CMIP: variants seen among roughly 807,000 people sequenced by gnomAD.
The protein encoded by CMIP is c-Maf inducing protein.
A neutral mutation model predicts 97.3 loss-of-function variants in CMIP; 13 were observed. The observed-to-expected ratio is 0.13, with a 90% CI of 0.09 to 0.21. The LOEUF is 0.21. CMIP is among the 10% of genes least tolerant of loss of function. The pLI, the probability that CMIP is intolerant of heterozygous loss-of-function variation, is 1.00. For missense variants in CMIP, 847 were observed against 1,024.9 expected, an observed-to-expected ratio of 0.83 and a Z score of 2.37; for synonymous variants, 538 against 436.3, an observed-to-expected ratio of 1.23 and a Z score of -2.91.
At chr16:81,491,115 T>G (rs1156760206) in intron 1 of CMIP, among the ~76,000 whole-genome samples, 2 of 152,174 alleles carry the variant, frequency 1.3e-5, no homozygotes, top group East Asian at 3.9e-4. Flanking sequence ...TTCCTGTTCC[T>G]GACCCATGTG....
At chr16:81,528,300 A>C (rs1374737440) in intron 1 of CMIP, among the ~76,000 whole-genome samples, 1 of 152,142 alleles carries the variant, frequency 6.6e-6, no homozygotes, top group African/African-American at 2.4e-5. Context: ...ATTCTAAACA[A>C]TGCCAAGGCT....
chr16:81,568,432 G>T (rs867170843), intron 1 of CMIP, among the ~76,000 whole-genome samples: 5 of 152,140 alleles, frequency 3.3e-5, no homozygotes, highest in Non-Finnish European at 7.4e-5. Flanking sequence ...TCCGTGGGCC[G>T]TGTGTCTCCC....
At chr16:81,674,416 C>T (rs796457008) in intron 9 of CMIP, among the ~76,000 whole-genome samples, 6 of 152,298 alleles carry the variant, frequency 3.9e-5, no homozygotes, top group African/African-American at 1.4e-4. Flanking sequence ...CAGGCGTGAG[C>T]CACCGCGCCT....
At position 81,670,301 on chromosome 16, in the gene CMIP, C is replaced by T. The variant is rs191859416; in HGVS notation, c.929+56C>T. The T allele has an allele frequency of 2.7e-5, 41 of 1,532,926 alleles. No individual in the cohort carries two copies. The African/African-American group carries it at 5.1e-4, about 19-fold the overall frequency. The allele number at this position is 1,532,926 out of a possible 1,614,324, so 95.0% of individuals were successfully genotyped here. A position where few individuals can be genotyped will look rare whatever the true frequency, so the allele number is the denominator to read the frequency against. ...CCTAGGAGCCACTTTCCTCTCGGAT[C>T]CTGTTTACTCAGATATCCACGGGGG... On this transcript the variant is annotated intron_variant, in intron 8 of 20. Coordinates refer to ENST00000537098, the MANE Select transcript of CMIP (RefSeq NM_198390.3).
At chr16:81,469,854 TTCCC>T (rs1281716186) in intron 1 of CMIP, among the ~76,000 whole-genome samples, 4 of 152,220 alleles carry the variant, frequency 2.6e-5, no homozygotes, top group African/African-American at 9.6e-5. Context: ...GTTTGAACAT[TTCCC>T]TGAATGTCTT....
At chr16:81,558,725 G>A (rs1376195123) in intron 1 of CMIP, among the ~76,000 whole-genome samples, 1 of 152,152 alleles carries the variant, frequency 6.6e-6, no homozygotes, top group African/African-American at 2.4e-5. Flanking sequence ...GCAGCTGTGA[G>A]TATTTGCTGC....
At chr16:81,662,709 T>TA (rs1424564009) in intron 6 of CMIP, among the ~76,000 whole-genome samples, 2 of 152,170 alleles carry the variant, frequency 1.3e-5, no homozygotes, top group Non-Finnish European at 2.9e-5. Flanking sequence ...GGGTGGGTGA[T>TA]ACATGTGTGC....
chr16:81,615,243 CTG>C (rs904939987), intron 2 of CMIP, among the ~76,000 whole-genome samples: 41 of 120,486 alleles, frequency 3.4e-4, no homozygotes, highest in Non-Finnish European at 5.9e-4. Context: ...GTATGTGTGT[CTG>C]TGTGTGTGGT....
intron 3 of CMIP, among the ~76,000 whole-genome samples, chr16:81,649,934 C>T (rs2092407978): frequency 6.6e-6 from 1 of 152,218 alleles, no homozygotes; most frequent in Admixed American, 6.5e-5. Context: ...TTGCTTCAGA[C>T]ATGTTGGGTT....
chr16:81,575,151 C>G (rs1422307790), intron 1 of CMIP, among the ~76,000 whole-genome samples: 2 of 152,230 alleles, frequency 1.3e-5, no homozygotes, highest in Non-Finnish European at 2.9e-5. Flanking sequence ...CAGATTATCT[C>G]ATTCAACCTT....
At chr16:81,536,063 G>A (rs748341287) in intron 1 of CMIP, among the ~76,000 whole-genome samples, 43 of 152,160 alleles carry the variant, frequency 2.8e-4, no homozygotes, top group Non-Finnish European at 5.7e-4. Flanking sequence ...AAACTCATAA[G>A]CAGGGACCCG....
At chr16:81,577,558 T>A (rs1485290075) in intron 1 of CMIP, among the ~76,000 whole-genome samples, 1 of 143,534 alleles carries the variant, frequency 7.0e-6, no homozygotes, top group Non-Finnish European at 1.5e-5. Flanking sequence ...ATTATCACTA[T>A]CACCATCATC....
intron 19 of CMIP, 55 bp downstream of exon 19, chr16:81,705,659 T>G (rs1908052572): frequency 7.5e-6 from 9 of 1,204,792 alleles, no homozygotes; most frequent in Admixed American, 2.1e-5. Flanking sequence ...CATTCCTTCC[T>G]TGCTTCAGCC....
intron 2 of CMIP, chr16:81,620,309 T>G (rs541823274): frequency 3.4e-4 from 52 of 153,056 alleles, no homozygotes; most frequent in African/African-American, 1.2e-3. Flanking sequence ...AGGTCATGGT[T>G]AAATGCCCAG....
intron 1 of CMIP, among the ~76,000 whole-genome samples, chr16:81,512,980 G>C (rs988163775): frequency 6.6e-6 from 1 of 152,114 alleles, no homozygotes; most frequent in East Asian, 1.9e-4. Flanking sequence ...CAAGCAATCC[G>C]CCCTCCTCAG....
At chr16:81,507,525 T>C (rs2089731509) in intron 1 of CMIP, among the ~76,000 whole-genome samples, 2 of 152,234 alleles carry the variant, frequency 1.3e-5, no homozygotes, top group Non-Finnish European at 2.9e-5. Context: ...AATGAGCATT[T>C]TCCTTGAGGG....
At chr16:81,495,814 T>A (rs2966090) in intron 1 of CMIP, among the ~76,000 whole-genome samples, 7 of 151,974 alleles carry the variant, frequency 4.6e-5, no homozygotes, top group Non-Finnish European at 1.0e-4. Context: ...TGGCCTCCCT[T>A]AGTGACTTGG....
intron 10 of CMIP, 104 bp downstream of exon 10, chr16:81,678,732 G>C: frequency 1.6e-6 from 1 of 614,938 alleles, no homozygotes; most frequent in Non-Finnish European, 2.9e-6. Context: ...GCAGGGCCGG[G>C]CATGGTAGAG....
chr16:81,669,496 C>T (rs1257517267), intron 7 of CMIP, among the ~76,000 whole-genome samples: 1 of 143,306 alleles, frequency 7.0e-6, no homozygotes, highest in Admixed American at 6.9e-5. Flanking sequence ...TCACCTCCTT[C>T]CACATCCACC....
Sources: allele counts gnomAD v4.1 joint callset (sites outside exome capture counted in the v4.1 genomes callset), GRCh38; gene constraint gnomAD v4.1.1; transcripts MANE v1.5; gene names NCBI Gene and HGNC (gene_info 2026-07-23, HGNC 2026-07-21).